The following CACNG7 variants were observed in gnomAD, a reference collection of about 807,000 sequenced individuals.
CACNG7 encodes voltage-dependent calcium channel gamma-7 subunit.
Under a neutral mutation model 26.3 loss-of-function variants are expected in CACNG7, and 9 were observed. The ratio of observed to expected loss-of-function variants is 0.34; its 90% confidence interval spans 0.21 to 0.60. The LOEUF (loss-of-function observed/expected upper bound fraction) is 0.60, where lower values mean the gene tolerates loss of function less well. Ranked by LOEUF, CACNG7 falls within the 20% of genes least tolerant of loss-of-function variation. CACNG7 has a pLI of 0.81. For synonymous variants in CACNG7, 170 were observed against 157.0 expected, an observed-to-expected ratio of 1.08 and a Z score of -0.62; for missense variants, 297 against 380.4, an observed-to-expected ratio of 0.78 and a Z score of 1.82.
intron 4 of CACNG7, among the ~76,000 whole-genome samples, chr19:53,935,985 A>G (rs1436260103): frequency 1.3e-5 from 2 of 150,232 alleles, no homozygotes; most frequent in African/African-American, 4.9e-5. Flanking sequence ...TCAGAATCCA[A>G]TCTAAGATCA....
rs192281788 is a variant in CACNG7 at position 53,912,449 on chromosome 19, G to A, written c.-29-354G>A. Among the ~76,000 whole-genome samples, 78 of 152,254 alleles carry A rather than the reference G, an allele frequency of 5.1e-4. No individual in the cohort carries two copies. The highest frequency in any genetic ancestry group is 1.7e-3 in the African/African-American group (70 of 41,530). ...GAAGCTCAAATTAGAATTTCTGCTC[G>A]GAGTCACAGTATTTGGGACCCAGGT... On this transcript the variant is annotated intron_variant, in intron 1 of 5. Transcript: ENST00000391767. The surrounding 1 kb of genome is among the most constrained non-coding windows in gnomAD (Gnocchi z 4.6).
chr19:53,923,126 T>A (rs1253848944), intron 4 of CACNG7, among the ~76,000 whole-genome samples: 2 of 94,536 alleles, frequency 2.1e-5, no homozygotes, highest in African/African-American at 1.0e-4. Flanking sequence ...TTGCCCCAGG[T>A]CTGGTCATTG....
intron 4 of CACNG7, among the ~76,000 whole-genome samples, chr19:53,937,356 C>T (rs975185592): frequency 1.3e-5 from 2 of 152,152 alleles, no homozygotes; most frequent in East Asian, 1.9e-4. Flanking sequence ...TCCCCTTTCA[C>T]GTGGCGGCAC....
At chr19:53,919,377 T>TCTGGTCATTGGTGGAGTTGTCCGCAGGC (rs2068920436) in intron 4 of CACNG7, among the ~76,000 whole-genome samples, 1 of 139,984 alleles carries the variant, frequency 7.1e-6, no homozygotes, top group Non-Finnish European at 1.6e-5. Flanking sequence ...TTGTCCCAGG[T>TCTGGTCATTGGTGGAGTTGTCCGCAGGC]CTGGTCATTG....
chr19:53,927,838 CAAAAAAAAA>C (rs74177830), intron 4 of CACNG7, among the ~76,000 whole-genome samples: 1 of 110,578 alleles, frequency 9.0e-6, no homozygotes, highest in Non-Finnish European at 2.0e-5. Flanking sequence ...AACTCCATCT[CAAAAAAAAA>C]AAAAAAGGAA....
intron 4 of CACNG7, among the ~76,000 whole-genome samples, chr19:53,918,735 TAACA>T (rs2068914569): frequency 6.6e-6 from 1 of 152,210 alleles, no homozygotes; most frequent in African/African-American, 2.4e-5. Context: ...GTACGAGTAG[TAACA>T]AACAATTTTT....
intron 4 of CACNG7, among the ~76,000 whole-genome samples, chr19:53,938,871 C>T (rs1568784930): frequency 6.6e-6 from 1 of 151,940 alleles, no homozygotes; most frequent in African/African-American, 2.4e-5. Context: ...TCACTTGAGC[C>T]TGGGAAGTGA....
intron 4 of CACNG7, among the ~76,000 whole-genome samples, chr19:53,916,286 C>T (rs1406219561): frequency 3.3e-5 from 5 of 152,084 alleles, no homozygotes; most frequent in African/African-American, 1.2e-4. Context: ...ATCTCACACC[C>T]GTCTCCTAAC....
chr19:53,918,491 G>A (rs1195757423), intron 4 of CACNG7, among the ~76,000 whole-genome samples: 1 of 152,070 alleles, frequency 6.6e-6, no homozygotes, highest in African/African-American at 2.4e-5. Flanking sequence ...ATCAAAAGAA[G>A]AATAATAGGT....
Position 53,937,569 on chromosome 19 carries a change from C to G in CACNG7, c.425-3901C>G, listed in dbSNP as rs539915932. Among the ~76,000 whole-genome samples the G allele has an allele frequency of 6.2e-3, 562 of 90,442 alleles. 6 individuals are homozygous for G. Among genetic ancestry groups the G allele is most frequent in the African/African-American group, 0.025 (545 of 21,816 alleles). The allele number at this position is 90,442 out of a possible 152,430, so 59.3% of individuals were successfully genotyped here. On this transcript the variant is annotated intron_variant, in intron 4 of 5. Transcript: ENST00000391767. ...GGAGATCATAAAAGTCTCCTCCCCC[C>G]TTCCCTTCCCTCCCCTCCCCTCCCC...
chr19:53,925,981 TC>T (rs2069028011), intron 4 of CACNG7, among the ~76,000 whole-genome samples: 1 of 152,176 alleles, frequency 6.6e-6, no homozygotes, highest in African/African-American at 2.4e-5. Flanking sequence ...TGCATGCCTG[TC>T]CCACATTAGC....
chr19:53,916,487 CTTTTTTTTTT>C (rs397706471), intron 4 of CACNG7, among the ~76,000 whole-genome samples: 9 of 95,440 alleles, frequency 9.4e-5, no homozygotes, highest in Non-Finnish European at 1.6e-4. Context: ...TTCTTTCTTT[CTTTTTTTTTT>C]TTTTTTTTTT....
intron 4 of CACNG7, among the ~76,000 whole-genome samples, chr19:53,921,578 GCC>G (rs2068953215): frequency 9.2e-6 from 1 of 108,416 alleles, no homozygotes; most frequent in African/African-American, 4.7e-5. Context: ...TGGTGGAGTT[GCC>G]CCAGGTCTGG....
intron 4 of CACNG7, among the ~76,000 whole-genome samples, chr19:53,921,287 T>C (rs377524524): frequency 0.14 from 4,315 of 31,258 alleles, 26 homozygotes; most frequent in African/African-American, 0.33. Flanking sequence ...TGGAGTTGCC[T>C]CAGGTCTGGT....
In CACNG7 at chr19:53,912,730, C is replaced by T; in HGVS notation, c.-29-73C>T. On this transcript the variant is annotated intron_variant, in intron 1 of 5. Transcript: ENST00000391767. The surrounding 1 kb of genome is among the most constrained non-coding windows in gnomAD (Gnocchi z 4.6). ...AGTGTCTCTGGCTAGGGCCCAGCAT[C>T]CCGGGTTGCTGCATGGGGTCAAGCA... 8.3e-7 allele frequency: 1 copy of T among 1,212,016 alleles called. No individual in the cohort carries two copies. The highest frequency in any genetic ancestry group is 1.2e-6 in the Non-Finnish European group (1 of 841,292). 75.1% of individuals were successfully genotyped at this position (1,212,016 alleles called of 1,614,324 possible).
chr19:53,924,096 A>G (rs1416084295), intron 4 of CACNG7, among the ~76,000 whole-genome samples: 1 of 123,840 alleles, frequency 8.1e-6, no homozygotes, highest in Non-Finnish European at 1.6e-5. Context: ...AGTTGTCCCC[A>G]GGTCTGGGTA....
Position 53,913,716 on chromosome 19 carries a change from C to T in CACNG7, c.196+689C>T, listed in dbSNP as rs149281498. On this transcript the variant is annotated intron_variant, in intron 2 of 5. Transcript: ENST00000391767. The stretch of plus-strand genomic sequence containing the variant: ...GGAAGATTGCTTGTGTCCAGGAGTT[C>T]GAGGCTGCAGTGAGCTATGACGGTG... Among the ~76,000 whole-genome samples the T allele has an allele frequency of 9.9e-3, 1,418 of 142,918 alleles. 20 individuals carry two copies. The highest frequency in any genetic ancestry group is 0.034 in the African/African-American group (1,313 of 38,414). 93.8% of individuals were successfully genotyped at this position (142,918 alleles called of 152,430 possible).
At chr19:53,941,388 A>G (rs1319793769) in intron 4 of CACNG7, 82 bp from the exon 5 acceptor site, 5 of 1,417,656 alleles carry the variant, frequency 3.5e-6, no homozygotes, top group Non-Finnish European at 4.7e-6. Context: ...AATGGGGAGG[A>G]GGGGAAGGCA....
At chr19:53,917,705 A>G (rs10401511) in intron 4 of CACNG7, among the ~76,000 whole-genome samples, 13,962 of 152,222 alleles carry the variant, frequency 0.092, 2,112 homozygotes, top group African/African-American at 0.31. Flanking sequence ...GAAAAATAGT[A>G]GCCTAGAGAC....
Sources: gnomAD v4.1 joint callset for allele counts (sites outside exome capture counted in the v4.1 genomes callset) on GRCh38, gnomAD v4.1.1 for gene constraint, Gnocchi (gnomAD v3.1) non-coding constraint, MANE v1.5 for transcripts, NCBI Gene and HGNC (gene_info 2026-07-23, HGNC 2026-07-21) for gene names.